ST6GAL1: variants seen among roughly 807,000 people sequenced by gnomAD.
ST6GAL1 encodes beta-galactoside alpha-2,6-sialyltransferase 1.
In ST6GAL1, 20 loss-of-function variants were observed where a neutral mutation model predicts 38.0. The observed-to-expected ratio is 0.53, with a 90% CI of 0.37 to 0.77. The LOEUF is 0.77. Ranked by LOEUF, ST6GAL1 falls within the 30% of genes least tolerant of loss-of-function variation. The probability of loss-of-function intolerance (pLI) is 0.00; values close to 1 mark genes in which losing one functional copy is unlikely to be tolerated. For synonymous variants in ST6GAL1, 196 were observed against 188.2 expected, an observed-to-expected ratio of 1.04 and a Z score of -0.34; for missense variants, 432 against 496.4, an observed-to-expected ratio of 0.87 and a Z score of 1.23.
chr3:186,946,978 G>A (rs1714393331), intron 1 of ST6GAL1, among the ~76,000 whole-genome samples: 1 of 152,156 alleles, frequency 6.6e-6, no homozygotes, highest in South Asian at 2.1e-4. Flanking sequence ...CCAGGAGACC[G>A]ATGGAGTTTT....
At chr3:186,970,816 T>C (rs1383924863) in intron 2 of ST6GAL1, among the ~76,000 whole-genome samples, 1 of 152,188 alleles carries the variant, frequency 6.6e-6, no homozygotes, top group African/African-American at 2.4e-5. Context: ...GGAAGGGCAT[T>C]TTGCTTAATT....
At chr3:186,999,314 G>GTGCTGAATAAATGTGTTTCTGTCCCCTT (rs1305696644) in intron 2 of ST6GAL1, among the ~76,000 whole-genome samples, 5 of 152,180 alleles carry the variant, frequency 3.3e-5, no homozygotes, top group Non-Finnish European at 4.4e-5. Flanking sequence ...GCCATTATGG[G>GTGCTGAATAAATGTGTTTCTGTCCCCTT]TGCTGAATAA....
intron 4 of ST6GAL1, among the ~76,000 whole-genome samples, chr3:187,048,976 C>T (rs1207778989): frequency 6.7e-6 from 1 of 150,000 alleles, no homozygotes; most frequent in Non-Finnish European, 1.5e-5. Flanking sequence ...CGCTAACCCC[C>T]GCCTCCTGGG....
chr3:186,993,442 G>A (rs978151195), intron 2 of ST6GAL1, among the ~76,000 whole-genome samples: 1 of 152,192 alleles, frequency 6.6e-6, no homozygotes, highest in Non-Finnish European at 1.5e-5. Context: ...AGACATAATG[G>A]TGGCCAGAGA....
intron 2 of ST6GAL1, among the ~76,000 whole-genome samples, chr3:187,020,166 G>A (rs1001295822): frequency 1.3e-5 from 2 of 152,012 alleles, no homozygotes; most frequent in African/African-American, 2.4e-5. Flanking sequence ...GCGTGGTGGC[G>A]GGTGCCTGTA....
chr3:187,063,804 C>T (rs1407187464), intron 5 of ST6GAL1, among the ~76,000 whole-genome samples: 3 of 152,210 alleles, frequency 2.0e-5, no homozygotes, highest in African/African-American at 4.8e-5. Flanking sequence ...AGATCCCTCC[C>T]CCAACACTTC....
chr3:187,008,535 T>C lies in ST6GAL1; in HGVS notation c.-182-30207T>C, dbSNP rs144173380. ...ATTTTATATCCAGAAAAAATATTCT[T>C]TGGGAGTGAAAGCAAAATAGAGATA... is the stretch of plus-strand genomic sequence containing the variant. On this transcript the variant is annotated intron_variant, in intron 2 of 7. Transcript: ENST00000169298. 3.0e-3 allele frequency among the ~76,000 whole-genome samples: 456 copies of C among 152,224 alleles called. 3 individuals carry two copies. The highest frequency in any genetic ancestry group is 0.01 in the African/African-American group (426 of 41,552).
chr3:186,982,855 T>C (rs1715740146), intron 2 of ST6GAL1, among the ~76,000 whole-genome samples: 1 of 151,084 alleles, frequency 6.6e-6, no homozygotes, highest in Non-Finnish European at 1.5e-5. Flanking sequence ...CTAATTTTTT[T>C]ATTTTTAGTA....
At position 187,043,155 on chromosome 3, in the gene ST6GAL1, C is replaced by A; in HGVS notation, c.452C>A (p.Ser151Tyr). Residue 151 changes from serine to tyrosine, a missense_variant, in exon 4 of 8, where the codon TCC (serine) becomes TAC (tyrosine). Physicochemically the swap from Ser to Tyr is moderately radical, Grantham distance 144 (BLOSUM62 -2). Coordinates refer to ENST00000169298, the MANE Select transcript of ST6GAL1 (RefSeq NM_173216.2). ...CACCTCCGGGACCATGTGAATGTAT[C>A]CATGGTAGAGGTCACAGATTTTCCC... is the stretch of plus-strand genomic sequence containing the variant. ...RCHLRDHVNV[S>Y]MVEVTDFPFN... 6.2e-7 allele frequency: 1 copy of A among 1,614,214 alleles called. No individual in the cohort carries two copies. Among genetic ancestry groups the A allele is most frequent in the Non-Finnish European group, 8.5e-7 (1 of 1,180,030 alleles).
rs1263166408 is a variant in ST6GAL1 at position 187,075,271 on chromosome 3, A to T, written c.980-291A>T. Among the ~76,000 whole-genome samples, 3 of 152,192 alleles carry T rather than the reference A, an allele frequency of 2.0e-5. No individual in the cohort carries two copies. The highest frequency in any genetic ancestry group is 6.5e-5 in the Admixed American group (1 of 15,286). On this transcript the variant is annotated intron_variant, in intron 7 of 7. Transcript: ENST00000169298. The surrounding 1 kb of genome is among the most constrained non-coding windows in gnomAD (Gnocchi z 4.1). ...ATTCCATGGATACATTCATTGGCTG[A>T]TTGATGGAGTCATTTAATCTACTAG...
At chr3:187,071,407 C>T (rs1169688827) in intron 5 of ST6GAL1, among the ~76,000 whole-genome samples, 2 of 152,122 alleles carry the variant, frequency 1.3e-5, no homozygotes, top group Non-Finnish European at 2.9e-5. Flanking sequence ...CAAGACAGCT[C>T]ATATTTGAGA....
intron 5 of ST6GAL1, among the ~76,000 whole-genome samples, chr3:187,061,342 A>G (rs1162073175): frequency 6.6e-6 from 1 of 152,196 alleles, no homozygotes; most frequent in Non-Finnish European, 1.5e-5. Flanking sequence ...GAAAATCCAA[A>G]AGATATTTCT....
intron 2 of ST6GAL1, among the ~76,000 whole-genome samples, chr3:187,029,087 C>CAAAAA (rs1560168369): frequency 2.1e-4 from 2 of 9,612 alleles, no homozygotes; most frequent in African/African-American, 4.8e-4. Flanking sequence ...GACCTTGTCT[C>CAAAAA]TAAAAAAAAA....
At chr3:186,949,696 A>G (rs1304102334) in intron 1 of ST6GAL1, among the ~76,000 whole-genome samples, 2 of 152,164 alleles carry the variant, frequency 1.3e-5, no homozygotes. Flanking sequence ...CCTTCCTCAG[A>G]AAGACCTTAT....
chr3:186,960,783 T>A lies in ST6GAL1; in HGVS notation c.-324-3002T>A, dbSNP rs369905631. Among the ~76,000 whole-genome samples, 787 of 152,012 alleles carry A rather than the reference T, an allele frequency of 5.2e-3. 4 individuals are homozygous for A. The highest frequency in any genetic ancestry group is 0.016 in the African/African-American group (669 of 41,492). On this transcript the variant is annotated intron_variant, in intron 1 of 7. Transcript: ENST00000169298. ...TTTTCTGTTTTTTTTTTAAATTTTT[T>A]AAATCTTTTTTATTTTGAGATGGTA... is the stretch of plus-strand genomic sequence containing the variant.
chr3:187,025,450 C>G (rs1717503604), intron 2 of ST6GAL1: 1 of 152,104 alleles, frequency 6.6e-6, no homozygotes, highest in Non-Finnish European at 1.5e-5. Flanking sequence ...TTTCCACTCT[C>G]TATATAGGCC....
intron 2 of ST6GAL1, among the ~76,000 whole-genome samples, chr3:187,034,783 T>C (rs4686839): frequency 0.52 from 79,584 of 151,992 alleles, 24,395 homozygotes; most frequent in African/African-American, 0.86. Flanking sequence ...CTATAACAAA[T>C]CCACAGCCAA....
At chr3:186,995,979 G>A (rs1300066999) in intron 2 of ST6GAL1, among the ~76,000 whole-genome samples, 1 of 152,206 alleles carries the variant, frequency 6.6e-6, no homozygotes, top group Non-Finnish European at 1.5e-5. Context: ...AGGCCCACAG[G>A]TGCAGTGGCC....
intron 5 of ST6GAL1, among the ~76,000 whole-genome samples, chr3:187,061,387 T>A (rs1211784515): frequency 6.6e-6 from 1 of 152,108 alleles, no homozygotes; most frequent in Non-Finnish European, 1.5e-5. Context: ...ATCCTAAAAT[T>A]TATATGAAAC....
Sources: allele counts gnomAD v4.1 joint callset (sites outside exome capture counted in the v4.1 genomes callset), GRCh38; gene constraint gnomAD v4.1.1; non-coding constraint Gnocchi (gnomAD v3.1); transcripts MANE v1.5; gene names NCBI Gene and HGNC (gene_info 2026-07-23, HGNC 2026-07-21).